DSCAM: variants seen among roughly 807,000 people sequenced by gnomAD.
DSCAM encodes DS cell adhesion molecule, also known as cell adhesion molecule DSCAM.
DSCAM carries 47 observed loss-of-function variants against 217.7 expected under a neutral mutation model. The observed-to-expected ratio is 0.22, with a 90% CI of 0.17 to 0.28. The LOEUF (loss-of-function observed/expected upper bound fraction) is 0.28, where lower values mean the gene tolerates loss of function less well. DSCAM is among the 10% of genes least tolerant of loss of function. The pLI, the probability that DSCAM is intolerant of heterozygous loss-of-function variation, is 1.00. For synonymous variants in DSCAM, 1,056 were observed against 1,015.3 expected, an observed-to-expected ratio of 1.04 and a Z score of -0.76; for missense variants, 2,080 against 2,618.3, an observed-to-expected ratio of 0.79 and a Z score of 4.49.
At chr21:40,666,495 G>A (rs955404827) in intron 3 of DSCAM, among the ~76,000 whole-genome samples, 2 of 152,142 alleles carry the variant, frequency 1.3e-5, no homozygotes, top group African/African-American at 4.8e-5. Flanking sequence ...CACAAATGAT[G>A]ACCTGAGCCC....
At chr21:40,384,635 C>G (rs528019656) in intron 3 of DSCAM, 13 of 153,518 alleles carry the variant, frequency 8.5e-5, no homozygotes, top group African/African-American at 3.1e-4. Context: ...AACAGGACAA[C>G]AGAGATGGAC....
intron 1 of DSCAM, among the ~76,000 whole-genome samples, chr21:40,762,452 A>C (rs1239103409): frequency 6.6e-6 from 1 of 152,234 alleles, no homozygotes; most frequent in Non-Finnish European, 1.5e-5. Context: ...ACAAGTTCTG[A>C]AATTGAGGCA....
At chr21:40,550,524 CA>C (rs996850575) in intron 3 of DSCAM, among the ~76,000 whole-genome samples, 3 of 151,572 alleles carry the variant, frequency 2.0e-5, no homozygotes, top group Non-Finnish European at 2.9e-5. Flanking sequence ...GAATCCATCT[CA>C]AAAAAAAATT....
chr21:40,361,838 A>C (rs985169281), intron 4 of DSCAM, among the ~76,000 whole-genome samples: 2 of 152,230 alleles, frequency 1.3e-5, no homozygotes, highest in African/African-American at 2.4e-5. Context: ...AATTAAATCA[A>C]GATCCTTCTC....
intron 10 of DSCAM, among the ~76,000 whole-genome samples, chr21:40,284,943 A>G (rs965014931): frequency 9.9e-5 from 15 of 152,220 alleles, no homozygotes; most frequent in Non-Finnish European, 2.1e-4. Flanking sequence ...TGGAAATTTC[A>G]TGGTCTAGAT....
intron 10 of DSCAM, among the ~76,000 whole-genome samples, chr21:40,285,675 C>T (rs2073815384): frequency 6.6e-6 from 1 of 152,160 alleles, no homozygotes; most frequent in East Asian, 1.9e-4. Context: ...TGTGAGGCCC[C>T]TTGTCTCTTC....
At chr21:40,397,464 G>C (rs1031703582) in intron 3 of DSCAM, among the ~76,000 whole-genome samples, 1 of 152,062 alleles carries the variant, frequency 6.6e-6, no homozygotes, top group Non-Finnish European at 1.5e-5. Context: ...ATGATGAGAA[G>C]CTTCCTGAGG....
chr21:40,205,312 G>A (rs1245595532), intron 11 of DSCAM, among the ~76,000 whole-genome samples: 1 of 152,152 alleles, frequency 6.6e-6, no homozygotes, highest in East Asian at 1.9e-4. Context: ...GCAAGTAAGT[G>A]TACTCTTGGG....
At chr21:40,586,977 AAAG>A (rs1389238339) in intron 3 of DSCAM, among the ~76,000 whole-genome samples, 3 of 152,218 alleles carry the variant, frequency 2.0e-5, no homozygotes, top group Admixed American at 2.0e-4. Context: ...ATACAAAAAT[AAAG>A]AAGAGCAGAT....
intron 21 of DSCAM, among the ~76,000 whole-genome samples, chr21:40,090,966 G>A (rs1390207800): frequency 6.6e-6 from 1 of 152,000 alleles, no homozygotes; most frequent in African/African-American, 2.4e-5. Context: ...TGAGAATTTG[G>A]GTGTTCATTC....
intron 4 of DSCAM, among the ~76,000 whole-genome samples, chr21:40,367,119 C>A (rs1472931005): frequency 6.6e-6 from 1 of 152,142 alleles, no homozygotes; most frequent in Non-Finnish European, 1.5e-5. Flanking sequence ...ACATTACCAG[C>A]CACTCTAATG....
chr21:40,445,413 T>G (rs2075666734), intron 3 of DSCAM, among the ~76,000 whole-genome samples: 1 of 152,224 alleles, frequency 6.6e-6, no homozygotes. Context: ...TCACATTCTG[T>G]TTCCATGTGT....
intron 3 of DSCAM, among the ~76,000 whole-genome samples, chr21:40,509,642 C>A (rs1036450202): frequency 6.6e-6 from 1 of 152,208 alleles, no homozygotes. Flanking sequence ...GCATTTCACA[C>A]ACAGTGACCA....
intron 8 of DSCAM, among the ~76,000 whole-genome samples, chr21:40,336,141 G>A (rs535524180): frequency 3.9e-5 from 6 of 152,110 alleles, no homozygotes; most frequent in Admixed American, 2.6e-4. Flanking sequence ...TGAGCAGCAC[G>A]GCTATTTTCA....
At chr21:40,844,635 T>C (rs1039621048) in intron 1 of DSCAM, among the ~76,000 whole-genome samples, 12 of 151,400 alleles carry the variant, frequency 7.9e-5, no homozygotes, top group Non-Finnish European at 1.5e-4. Context: ...TTGCAGAATA[T>C]TTGAGGTTTC....
chr21:40,376,574 G>A (rs1214519745), intron 3 of DSCAM, among the ~76,000 whole-genome samples: 1 of 89,132 alleles, frequency 1.1e-5, no homozygotes, highest in Non-Finnish European at 2.3e-5. Context: ...ATCTTATATC[G>A]ATATCTATAT....
intron 27 of DSCAM, 121 bp downstream of exon 27, chr21:40,074,916 G>A (rs2089342368): frequency 9.8e-7 from 1 of 1,015,828 alleles, no homozygotes; most frequent in Non-Finnish European, 1.4e-6. Flanking sequence ...GCAGTGGAGG[G>A]ACCTGGGTTA....
chr21:40,366,858 T>C (rs761871412), intron 4 of DSCAM, among the ~76,000 whole-genome samples: 1 of 152,200 alleles, frequency 6.6e-6, no homozygotes, highest in African/African-American at 2.4e-5. Context: ...ATGTGTTTCC[T>C]AGAACACTGT....
chr21:40,516,322 G>A (rs1453492367), intron 3 of DSCAM, among the ~76,000 whole-genome samples: 3 of 152,172 alleles, frequency 2.0e-5, no homozygotes, highest in Non-Finnish European at 4.4e-5. Flanking sequence ...GAACAAGTAA[G>A]AATGTATTTC....
Sources: allele counts gnomAD v4.1 joint callset (sites outside exome capture counted in the v4.1 genomes callset), GRCh38; gene constraint gnomAD v4.1.1; transcripts MANE v1.5; gene names NCBI Gene and HGNC (gene_info 2026-07-23, HGNC 2026-07-21).